The following SLC15A5 variants were observed in gnomAD, a reference collection of about 807,000 sequenced individuals.
SLC15A5 encodes the protein solute carrier family 15 member 5.
A neutral mutation model predicts 56.1 loss-of-function variants in SLC15A5; 58 were observed. The observed-to-expected ratio is 1.03, with a 90% CI of 0.84 to 1.29. The LOEUF (loss-of-function observed/expected upper bound fraction) is 1.29, where lower values mean the gene tolerates loss of function less well. Among genes scored for constraint, SLC15A5 ranks in the 50% most tolerant of loss-of-function variants. The pLI is 0.00. For missense variants in SLC15A5, 681 were observed against 672.1 expected, an observed-to-expected ratio of 1.01 and a Z score of -0.15; for synonymous variants, 264 against 250.5, an observed-to-expected ratio of 1.05 and a Z score of -0.51.
intron 6 of SLC15A5, among the ~76,000 whole-genome samples, chr12:16,223,243 A>G (rs1170255587): frequency 6.6e-6 from 1 of 152,160 alleles, no homozygotes; most frequent in Non-Finnish European, 1.5e-5. Context: ...GTTATTTAGG[A>G]TGATTACTCT....
chr12:16,211,412 T>G, intron 7 of SLC15A5, among the ~76,000 whole-genome samples: 1 of 152,180 alleles, frequency 6.6e-6, no homozygotes, highest in Non-Finnish European at 1.5e-5. Flanking sequence ...AGCTACATTC[T>G]TTGCCCCTTT....
At chr12:16,218,076 G>A (rs1050754335) in intron 6 of SLC15A5, among the ~76,000 whole-genome samples, 2 of 151,998 alleles carry the variant, frequency 1.3e-5, no homozygotes, top group Non-Finnish European at 2.9e-5. Context: ...TGATATTTGG[G>A]ATTGCTTCAA....
chr12:16,229,032 C>G (rs1356634116), intron 5 of SLC15A5, among the ~76,000 whole-genome samples: 1 of 152,148 alleles, frequency 6.6e-6, no homozygotes, highest in Non-Finnish European at 1.5e-5. Context: ...TCATTCCAAG[C>G]CAAGCCATTC....
chr12:16,271,631 A>T lies in SLC15A5; in HGVS notation c.584+930T>A, dbSNP rs886308236. 1.4e-4 allele frequency among the ~76,000 whole-genome samples: 21 copies of T among 152,150 alleles called. No homozygotes were observed. The highest frequency in any genetic ancestry group is 5.1e-4 in the African/African-American group (21 of 41,438). On this transcript the variant is annotated intron_variant, in intron 2 of 8. Coordinates refer to ENST00000344941, the MANE Select transcript of SLC15A5 (RefSeq NM_001170798.1). The surrounding 1 kb of genome is among the most constrained non-coding windows in gnomAD (Gnocchi z 8.0). ...AAGAGGAACTGCCTCGGATAGCTAC[A>T]TATGCCTATACATACACATATAGAC...
intron 3 of SLC15A5, among the ~76,000 whole-genome samples, chr12:16,251,377 G>GA (rs1214401408): frequency 6.6e-6 from 1 of 151,306 alleles, no homozygotes; most frequent in African/African-American, 2.4e-5. Context: ...GAAAACAGTA[G>GA]AAAAAACTCA....
At chr12:16,247,615 G>C (rs772456150) in intron 3 of SLC15A5, among the ~76,000 whole-genome samples, 1 of 152,024 alleles carries the variant, frequency 6.6e-6, no homozygotes, top group Non-Finnish European at 1.5e-5. Flanking sequence ...TAAATGACTA[G>C]AAACAGGCAA....
At chr12:16,261,711 A>G (rs1184644565) in intron 2 of SLC15A5, among the ~76,000 whole-genome samples, 1 of 152,168 alleles carries the variant, frequency 6.6e-6, no homozygotes, top group Non-Finnish European at 1.5e-5. Context: ...GAGAGTTCTA[A>G]TCTCTTCATA....
At position 16,243,958 on chromosome 12, in the gene SLC15A5, AT is replaced by A. The variant is rs1313117916; in HGVS notation, c.975+621del. Among the ~76,000 whole-genome samples, 1 of 152,184 alleles carries A rather than the reference AT, an allele frequency of 6.6e-6. No individual in the cohort carries two copies. Among genetic ancestry groups the A allele is most frequent in the East Asian group, 1.9e-4 (1 of 5,196 alleles). ...TGTTCAAATACTTTTGTAATCATTT[AT>A]TTTTCTCAGTAAATAAGTTAGTCTT... On this transcript the variant is annotated intron_variant, in intron 4 of 8. Coordinates refer to ENST00000344941, the MANE Select transcript of SLC15A5 (RefSeq NM_001170798.1). This position sits in a 1 kb window ranked among gnomAD's most constrained non-coding sequence, Gnocchi z 4.4.
At chr12:16,217,847 C>T (rs1280244911) in intron 6 of SLC15A5, among the ~76,000 whole-genome samples, 3 of 151,698 alleles carry the variant, frequency 2.0e-5, no homozygotes, top group Admixed American at 1.3e-4. Flanking sequence ...CTTTCCTTCC[C>T]AAGTCATTTT....
intron 7 of SLC15A5, among the ~76,000 whole-genome samples, chr12:16,212,525 A>C (rs201668435): frequency 8.9e-4 from 2 of 2,258 alleles, no homozygotes; most frequent in Non-Finnish European, 9.0e-3. Flanking sequence ...TTTCCAGAAA[A>C]ACGTGAAAAG....
At chr12:16,248,027 T>G (rs1024979301) in intron 3 of SLC15A5, among the ~76,000 whole-genome samples, 6 of 151,996 alleles carry the variant, frequency 3.9e-5, no homozygotes, top group Admixed American at 6.6e-5. Context: ...TCAGTAAAAT[T>G]TTCTGATGTG....
At chr12:16,209,034 T>TC (rs1864050552) in intron 7 of SLC15A5, among the ~76,000 whole-genome samples, 1 of 129,334 alleles carries the variant, frequency 7.7e-6, no homozygotes, top group Non-Finnish European at 1.7e-5. Flanking sequence ...TTTTTTTTTT[T>TC]CATGTACTGG....
At chr12:16,221,413 C>T (rs1389490127) in intron 6 of SLC15A5, among the ~76,000 whole-genome samples, 1 of 152,112 alleles carries the variant, frequency 6.6e-6, no homozygotes, top group Non-Finnish European at 1.5e-5. Context: ...AATGAGAAGC[C>T]AGTCATTTGA....
At chr12:16,219,631 T>G (rs2136247486) in intron 6 of SLC15A5, among the ~76,000 whole-genome samples, 1 of 152,308 alleles carries the variant, frequency 6.6e-6, no homozygotes, top group South Asian at 2.1e-4. Context: ...TGGTGTCATT[T>G]TAGTCGTTTT....
At chr12:16,240,028 C>T (rs1864397530) in intron 4 of SLC15A5, among the ~76,000 whole-genome samples, 161 bp from the exon 5 acceptor site, 1 of 152,172 alleles carries the variant, frequency 6.6e-6, no homozygotes, top group Non-Finnish European at 1.5e-5. Context: ...AAAGGGTCTT[C>T]ATCTGTGGTG....
In SLC15A5 at chr12:16,244,800, C is replaced by T; in HGVS notation, c.755G>A (p.Arg252His). ...YYNLIYQSEKRCSLLTGVGVL... is the reference protein window; with the variant it reads ...YYNLIYQSEKHCSLLTGVGVL... ...CCCAACGCCTGTCAGGAGAGAACAA[C>T]CTGCAAGTAATCGGAGATATTATGT... The change falls in exon 4 of 9, where the codon CGT becomes CAT. Residue 252 changes from arginine (R) to histidine (H), a missense_variant and splice_region_variant. Transcript: ENST00000344941. 2.0e-6 allele frequency: 3 copies of T among 1,537,248 alleles called. No individual in the cohort carries two copies. The highest frequency in any genetic ancestry group is 2.6e-6 in the Non-Finnish European group (3 of 1,146,730).
At chr12:16,195,718 A>G (rs1454430918) in intron 7 of SLC15A5, among the ~76,000 whole-genome samples, 1 of 152,096 alleles carries the variant, frequency 6.6e-6, no homozygotes, top group Non-Finnish European at 1.5e-5. Context: ...TGCAGTAGAA[A>G]GTGGTTCTTG....
rs1222956128 is a variant in SLC15A5, at chr12:16,194,329, C to CCACA, written c.1592+12_1592+15dup. 2 of 1,495,198 alleles carry CCACA rather than the reference C, an allele frequency of 1.3e-6. No individual in the cohort carries two copies. The highest frequency in any genetic ancestry group is 2.8e-5 in the African/African-American group (2 of 71,932). 92.6% of individuals were successfully genotyped at this position (1,495,198 alleles called of 1,614,324 possible). A position where few individuals can be genotyped will look rare whatever the true frequency, so the allele number is the denominator to read the frequency against. ...ATGGACTCAGAAATTTTTCATCTTACCACACACTTACTTACCTTTGTGAAA... is the reference window on the plus strand; with the variant it reads ...ATGGACTCAGAAATTTTTCATCTTACCACACACACACTTACTTACCTTTGTGAAA... On this transcript the variant is annotated intron_variant, in intron 8 of 8. Transcript: ENST00000344941.
rs79896110 is a variant in SLC15A5, at chr12:16,253,106, G to T, written c.754+4595C>A. Reference sequence around the variant, plus strand: ...ATCCACATGCAAAAGAATGAAGTTGGATCCTTGCTTTAGACCATGTACAAA... The same window carrying T: ...ATCCACATGCAAAAGAATGAAGTTGTATCCTTGCTTTAGACCATGTACAAA... On this transcript the variant is annotated intron_variant, in intron 3 of 8. Coordinates refer to ENST00000344941, the MANE Select transcript of SLC15A5 (RefSeq NM_001170798.1). Among the ~76,000 whole-genome samples the T allele has an allele frequency of 6.0e-4, 91 of 152,126 alleles. No individual in the cohort carries two copies. In the East Asian group the frequency reaches 0.017, roughly 29 times the overall value.
Sources: allele counts gnomAD v4.1 joint callset (sites outside exome capture counted in the v4.1 genomes callset), GRCh38; gene constraint gnomAD v4.1.1; non-coding constraint Gnocchi (gnomAD v3.1); transcripts MANE v1.5; gene names NCBI Gene and HGNC (gene_info 2026-07-23, HGNC 2026-07-21).